Variants in TTC7B observed in about 807,000 individuals in gnomAD.
The protein encoded by TTC7B is tetratricopeptide repeat domain 7B.
Under a neutral mutation model 106.8 loss-of-function variants are expected in TTC7B, and 28 were observed. The observed-to-expected ratio is 0.26, with a 90% CI of 0.19 to 0.36. TTC7B has a LOEUF of 0.36. TTC7B is among the 10% of genes least tolerant of loss of function. The probability of loss-of-function intolerance (pLI) is 1.00; values close to 1 mark genes in which losing one functional copy is unlikely to be tolerated. For synonymous variants in TTC7B, 405 were observed against 430.6 expected (o/e 0.94, Z 0.74); for missense variants, 862 against 1,076.4 (o/e 0.80, Z 2.79).
chr14:90,652,691 T>G (rs1360188098), intron 13 of TTC7B, 150 bp downstream of exon 13: 39 of 755,508 alleles, frequency 5.2e-5, no homozygotes, highest in Non-Finnish European at 8.3e-5. Flanking sequence ...TACAGCAGGG[T>G]TTGTGTGCTG....
intron 19 of TTC7B, among the ~76,000 whole-genome samples, chr14:90,556,895 C>A (rs993828343): frequency 2.0e-5 from 3 of 152,210 alleles, no homozygotes; most frequent in Non-Finnish European, 1.5e-5. Context: ...AGAGGCTGAG[C>A]TCCCCCAGAA....
chr14:90,763,137 C>T (rs950768686), intron 3 of TTC7B, among the ~76,000 whole-genome samples: 3 of 152,098 alleles, frequency 2.0e-5, no homozygotes, highest in African/African-American at 4.8e-5. Context: ...AAATCCCCTA[C>T]AAAATATTAG....
chr14:90,542,446 C>A lies in TTC7B; in HGVS notation c.2311-857G>T, dbSNP rs560287984. 5.9e-5 allele frequency among the ~76,000 whole-genome samples: 9 copies of A among 152,186 alleles called. No individual in the cohort carries two copies. In the East Asian group the frequency reaches 1.6e-3, roughly 26 times the overall value. On this transcript the variant is annotated intron_variant, in intron 19 of 19. Coordinates refer to ENST00000328459, the MANE Select transcript of TTC7B (RefSeq NM_001010854.2). ...GGTCCCACCTATTTCATCATCATTG[C>A]GTTTCCAAGCTGCGCACCTCTATAA...
intron 1 of TTC7B, among the ~76,000 whole-genome samples, chr14:90,788,534 T>G (rs1163993034): frequency 6.6e-6 from 1 of 152,090 alleles, no homozygotes; most frequent in Non-Finnish European, 1.5e-5. Flanking sequence ...CGGAGTGTCA[T>G]GCCTTTATCT....
intron 2 of TTC7B, among the ~76,000 whole-genome samples, chr14:90,784,317 GGAGGCT>G (rs892097618): frequency 5.9e-5 from 9 of 152,224 alleles, no homozygotes; most frequent in Non-Finnish European, 8.8e-5. Context: ...CAGCACTTTG[GGAGGCT>G]GAGGTGGGCG....
At chr14:90,555,241 C>T (rs1246028467) in intron 19 of TTC7B, among the ~76,000 whole-genome samples, 1 of 152,198 alleles carries the variant, frequency 6.6e-6, no homozygotes, top group Non-Finnish European at 1.5e-5. Context: ...CTACACCAAC[C>T]TGGGGGAGAA....
chr14:90,806,681 C>T (rs1048473202), intron 1 of TTC7B, among the ~76,000 whole-genome samples: 15 of 152,124 alleles, frequency 9.9e-5, no homozygotes, highest in African/African-American at 3.6e-4. Flanking sequence ...CCAAAGTGGG[C>T]AGATCACTTG....
intron 8 of TTC7B, among the ~76,000 whole-genome samples, chr14:90,679,698 C>T (rs1886976451): frequency 6.6e-6 from 1 of 152,300 alleles, no homozygotes; most frequent in Non-Finnish European, 1.5e-5. Flanking sequence ...GCTCAGTATA[C>T]ATCACTTTTC....
rs1162988863 is a variant in TTC7B, at chr14:90,532,301, G to C, written c.*9067C>G. 2.6e-5 allele frequency: 4 copies of C among 152,162 alleles called. No individual in the cohort carries two copies. The highest frequency in any genetic ancestry group is 5.9e-5 in the Non-Finnish European group (4 of 68,020). 9.4% of individuals were successfully genotyped at this position (152,162 alleles called of 1,614,324 possible). A position where few individuals can be genotyped will look rare whatever the true frequency, so the allele number is the denominator to read the frequency against. On this transcript the variant is annotated 3_prime_UTR_variant, in exon 20 of 20. Transcript: ENST00000328459. ...CAACATATTAAAGAAAGAAACTCTG[G>C]AGATAATTTAAAGTTGATCCCCTAT...
chr14:90,550,457 T>A (rs1303659335), intron 19 of TTC7B, among the ~76,000 whole-genome samples: 1 of 152,234 alleles, frequency 6.6e-6, no homozygotes, highest in Non-Finnish European at 1.5e-5. Context: ...ATATGTATAC[T>A]TGGCCAACCA....
At chr14:90,555,417 T>C (rs1419551809) in intron 19 of TTC7B, among the ~76,000 whole-genome samples, 1 of 145,468 alleles carries the variant, frequency 6.9e-6, no homozygotes, top group Non-Finnish European at 1.5e-5. Flanking sequence ...AAGGGGGGGG[T>C]GTTTGATGGG....
intron 18 of TTC7B, among the ~76,000 whole-genome samples, chr14:90,579,191 G>A (rs61987003): frequency 0.11 from 16,075 of 152,240 alleles, 872 homozygotes; most frequent in African/African-American, 0.13. Flanking sequence ...CTAGTCAGCT[G>A]GGCCTGAGGC....
At chr14:90,717,065 C>A (rs556223232) in intron 5 of TTC7B, among the ~76,000 whole-genome samples, 1 of 152,172 alleles carries the variant, frequency 6.6e-6, no homozygotes, top group Non-Finnish European at 1.5e-5. Flanking sequence ...TCCAGCCAGG[C>A]GTGGTGACTC....
intron 18 of TTC7B, among the ~76,000 whole-genome samples, chr14:90,587,936 G>T (rs1891786129): frequency 6.6e-6 from 1 of 152,200 alleles, no homozygotes; most frequent in African/African-American, 2.4e-5. Flanking sequence ...GTGAATACGG[G>T]TATTTATACC....
intron 17 of TTC7B, among the ~76,000 whole-genome samples, chr14:90,595,036 G>A (rs1892147295): frequency 6.6e-6 from 1 of 152,326 alleles, no homozygotes; most frequent in East Asian, 1.9e-4. Flanking sequence ...CAGAGGCTGA[G>A]TTAAAAGAGT....
chr14:90,692,383 C>G (rs1887510308), intron 6 of TTC7B, among the ~76,000 whole-genome samples: 1 of 152,122 alleles, frequency 6.6e-6, no homozygotes, highest in Non-Finnish European at 1.5e-5. Context: ...GATCTCACAC[C>G]AGATAGAGTT....
At chr14:90,781,865 C>G (rs369214849) in intron 2 of TTC7B, among the ~76,000 whole-genome samples, 1 of 152,190 alleles carries the variant, frequency 6.6e-6, no homozygotes, top group Non-Finnish European at 1.5e-5. Context: ...AAAGCCTCAT[C>G]ATTGCCTTCC....
At chr14:90,636,023 A>G in intron 15 of TTC7B, among the ~76,000 whole-genome samples, 1 of 151,318 alleles carries the variant, frequency 6.6e-6, no homozygotes. Flanking sequence ...CAGGAGGCTG[A>G]GGCAGGAGAC....
At chr14:90,568,506 A>T (rs940809056) in intron 19 of TTC7B, among the ~76,000 whole-genome samples, 7 of 152,166 alleles carry the variant, frequency 4.6e-5, no homozygotes, top group African/African-American at 1.7e-4. Context: ...CACAGCATTC[A>T]TTTTTTCCTT....
Sources: allele counts gnomAD v4.1 joint callset (sites outside exome capture counted in the v4.1 genomes callset), GRCh38; gene constraint gnomAD v4.1.1; transcripts MANE v1.5; gene names NCBI Gene and HGNC (gene_info 2026-07-23, HGNC 2026-07-21).